MCM3: variants seen among roughly 807,000 people sequenced by gnomAD.
The protein encoded by MCM3 is minichromosome maintenance complex component 3.
A neutral mutation model predicts 91.3 loss-of-function variants in MCM3; 59 were observed. That is an observed-to-expected ratio of 0.65 (90% CI 0.52 to 0.80). MCM3 has a LOEUF of 0.80. Ranked by LOEUF, MCM3 falls within the 30% of genes least tolerant of loss-of-function variation. The pLI, the probability that MCM3 is intolerant of heterozygous loss-of-function variation, is 0.00. For synonymous variants in MCM3, 383 were observed against 379.6 expected, an observed-to-expected ratio of 1.01 and a Z score of -0.10; for missense variants, 919 against 1,035.4, an observed-to-expected ratio of 0.89 and a Z score of 1.54.
chr6:52,279,315 G>A, intron 5 of MCM3, 46 bp downstream of exon 5: 1 of 1,489,696 alleles, frequency 6.7e-7, no homozygotes, highest in Non-Finnish European at 9.3e-7. Flanking sequence ...TACCAGAAAT[G>A]GAAGCTGTCA....
chr6:52,267,868 T>C lies in MCM3; in HGVS notation c.2069A>G (p.Lys690Arg). The C allele has an allele frequency of 9.1e-7, 1 of 1,093,016 alleles. No homozygotes were observed. Among genetic ancestry groups the C allele is most frequent in the Non-Finnish European group, 1.4e-6 (1 of 721,936 alleles). 67.7% of individuals were successfully genotyped at this position (1,093,016 alleles called of 1,614,324 possible). A position where few individuals can be genotyped will look rare whatever the true frequency, so the allele number is the denominator to read the frequency against. Residue 690 changes from lysine (K) to arginine (R), a missense_variant, in exon 14 of 17, where the codon AAG becomes AGG. Lys to Arg is a conservative substitution (Grantham distance 26, BLOSUM62 2). This residue lies in a region of MCM3 where 285 missense variants were observed against 311.4 expected (regional missense o/e 0.92). Transcript: ENST00000596288. ...KSQEDQEQKR[K>R]RRKTRQPDAK... ...TCATTTGCTTGCCCCACCTTACCTCTTCCTCTTCTGCTCCTGGTCCTCTTG... is the reference window on the plus strand; with the variant it reads ...TCATTTGCTTGCCCCACCTTACCTCCTCCTCTTCTGCTCCTGGTCCTCTTG...
chr6:52,265,966 G>T (rs1388150523), intron 16 of MCM3, 109 bp downstream of exon 16: 2 of 830,268 alleles, frequency 2.4e-6, no homozygotes, highest in African/African-American at 3.4e-5. Context: ...CTAGTTTTGA[G>T]TTCTATTGAT....
chr6:52,273,200 C>T (rs1247422582), intron 11 of MCM3, 30 bp downstream of exon 11: 2 of 1,613,668 alleles, frequency 1.2e-6, no homozygotes, highest in Non-Finnish European at 1.7e-6. Flanking sequence ...ATTTCAGGTT[C>T]CCTTGAGGAA....
chr6:52,271,773 C>T (rs923121894), intron 12 of MCM3, among the ~76,000 whole-genome samples: 18 of 152,304 alleles, frequency 1.2e-4, no homozygotes, highest in African/African-American at 4.1e-4. Context: ...AAGTCCAGTC[C>T]AAATATCATA....
rs1562398857 is a variant in MCM3, at chr6:52,282,026, A to T, written c.531+19T>A. On this transcript the variant is annotated intron_variant, in intron 4 of 16. Transcript: ENST00000596288. ...TGATTCCAACCTCCAAGACAGCTCA[A>T]CTGATTTATCCCCCTTACCTTGGTA... The T allele has an allele frequency of 6.2e-7, 1 of 1,612,648 alleles. No homozygotes were observed. The highest frequency in any genetic ancestry group is 1.7e-5 in the Admixed American group (1 of 59,698).
chr6:52,283,944 G>T (rs1343058475), intron 1 of MCM3, among the ~76,000 whole-genome samples: 2 of 152,116 alleles, frequency 1.3e-5, no homozygotes, highest in Admixed American at 1.3e-4. Context: ...TATGTAAAAA[G>T]TAATATTTTT....
chr6:52,273,633 A>G (rs1765320359), intron 10 of MCM3, 109 bp downstream of exon 10: 4 of 1,172,474 alleles, frequency 3.4e-6, no homozygotes, highest in South Asian at 3.0e-5. Context: ...GGGCTCTTCA[A>G]CATCAACCCG....
intron 6 of MCM3, 104 bp from the exon 7 acceptor site, chr6:52,277,792 G>A: frequency 2.0e-6 from 2 of 989,184 alleles, no homozygotes; most frequent in Non-Finnish European, 1.5e-6. Flanking sequence ...AAGAGGGCCA[G>A]GCGCAGTGGC....
chr6:52,283,238 C>A lies in MCM3; in HGVS notation c.191+56G>T. 3 of 1,443,056 alleles carry A rather than the reference C, an allele frequency of 2.1e-6. No individual in the cohort carries two copies. In the South Asian group the frequency reaches 3.4e-5, roughly 17 times the overall value. 89.4% of individuals were successfully genotyped at this position (1,443,056 alleles called of 1,614,324 possible). A position where few individuals can be genotyped will look rare whatever the true frequency, so the allele number is the denominator to read the frequency against. On this transcript the variant is annotated intron_variant, in intron 2 of 16. Transcript: ENST00000596288. ...CTCCTGAGAGGCTGTTCCAATCTGG[C>A]CAAGAGGGAAGGGAGCCATTCTCAC...
At chr6:52,282,912 A>T in intron 2 of MCM3, 51 bp from the exon 3 acceptor site, 1 of 1,342,608 alleles carries the variant, frequency 7.4e-7, no homozygotes, top group South Asian at 1.2e-5. Flanking sequence ...ACTCAAAAAA[A>T]TGGATCCTCA....
chr6:52,274,084 C>A (rs1261983551), intron 9 of MCM3, among the ~76,000 whole-genome samples, 168 bp from the exon 10 acceptor site: 2 of 152,198 alleles, frequency 1.3e-5, no homozygotes, highest in Non-Finnish European at 2.9e-5. Context: ...CAATGTAAAT[C>A]ATCTCTTCTA....
intron 6 of MCM3, among the ~76,000 whole-genome samples, chr6:52,278,196 G>A (rs1765763083): frequency 6.6e-6 from 1 of 151,854 alleles, no homozygotes; most frequent in Non-Finnish European, 1.5e-5. Context: ...ATCAGAGTAG[G>A]CACAGAGCAG....
intron 3 of MCM3, 117 bp from the exon 4 acceptor site, chr6:52,282,292 C>T (rs897161708): frequency 3.6e-5 from 32 of 897,444 alleles, no homozygotes; most frequent in Admixed American, 6.8e-5. Context: ...GACTAGGTTA[C>T]GATATTTCAA....
intron 11 of MCM3, 39 bp downstream of exon 11, chr6:52,273,191 T>C: frequency 1.2e-6 from 2 of 1,613,384 alleles, no homozygotes; most frequent in South Asian, 1.1e-5. Flanking sequence ...ATAACACATA[T>C]TTCAGGTTCC....
At chr6:52,274,688 C>G (rs1405734953) in intron 9 of MCM3, among the ~76,000 whole-genome samples, 1 of 129,350 alleles carries the variant, frequency 7.7e-6, no homozygotes, top group Non-Finnish European at 1.6e-5. Context: ...GACTATGTCT[C>G]AGAAAAAAAA....
intron 9 of MCM3, among the ~76,000 whole-genome samples, chr6:52,275,051 A>C (rs1216686545): frequency 6.6e-6 from 1 of 152,188 alleles, no homozygotes. Flanking sequence ...GGCATGAGAC[A>C]CTGCGCCCAG....
intron 4 of MCM3, among the ~76,000 whole-genome samples, chr6:52,281,554 C>T (rs548027556): frequency 2.6e-5 from 4 of 151,946 alleles, no homozygotes; most frequent in Non-Finnish European, 4.4e-5. Flanking sequence ...GTGGTGCATG[C>T]CTATAATCCC....
At position 52,282,034 on chromosome 6, in the gene MCM3, A is replaced by AT; in HGVS notation, c.531+10dup. The AT allele has an allele frequency of 6.2e-7, 1 of 1,613,528 alleles. No individual in the cohort carries two copies. Among genetic ancestry groups the AT allele is most frequent in the Non-Finnish European group, 8.5e-7 (1 of 1,179,800 alleles). ...ACCTCCAAGACAGCTCAACTGATTT[A>AT]TCCCCCTTACCTTGGTAGGATAGAC... On this transcript the variant is annotated intron_variant, in intron 4 of 16. Coordinates refer to ENST00000596288, the MANE Select transcript of MCM3 (RefSeq NM_002388.6).
chr6:52,281,555 C>T (rs952809101), intron 4 of MCM3, among the ~76,000 whole-genome samples: 1 of 151,956 alleles, frequency 6.6e-6, no homozygotes, highest in East Asian at 1.9e-4. Context: ...TGGTGCATGC[C>T]TATAATCCCA....
Sources: gnomAD v4.1 joint callset for allele counts (sites outside exome capture counted in the v4.1 genomes callset) on GRCh38, gnomAD v4.1.1 for gene constraint, gnomAD v4.1.1 regional missense constraint, MANE v1.5 for transcripts, NCBI Gene and HGNC (gene_info 2026-07-23, HGNC 2026-07-21) for gene names.